The following MAGI1 variants were observed in gnomAD, a reference collection of about 807,000 sequenced individuals.
MAGI1 encodes membrane associated guanylate kinase, WW and PDZ domain containing 1, also known as membrane-associated guanylate kinase, WW and PDZ domain-containing protein 1.
A neutral mutation model predicts 139.9 loss-of-function variants in MAGI1; 58 were observed. The observed-to-expected ratio is 0.41, with a 90% confidence interval of 0.34 to 0.52. The LOEUF is 0.52. Ranked by LOEUF, MAGI1 falls within the 20% of genes least tolerant of loss-of-function variation. MAGI1 has a pLI of 0.12. For missense variants in MAGI1, 1,874 were observed against 1,901.6 expected (o/e 0.99, Z 0.27); for synonymous variants, 812 against 737.9 (o/e 1.10, Z -1.63).
rs748555567 is a variant in MAGI1 at position 66,038,006 on chromosome 3, G to C, written c.303C>G (p.Ala101=). The part of the protein sequence containing the change: ...DSCKEAVTFK[A]VRQGGRLNKD... ...CGCGCCCTGCCTTACCTTGTCTGACGGCCTTGAAGGTGACGGCCTCCTTGC... is the reference window on the plus strand; with the variant it reads ...CGCGCCCTGCCTTACCTTGTCTGACCGCCTTGAAGGTGACGGCCTCCTTGC... Residue 101 remains alanine (A), a synonymous_variant, in exon 1 of 23, where the codon GCC becomes GCG. Transcript: ENST00000402939. 6.3e-7 allele frequency: 1 copy of C among 1,578,720 alleles called. No homozygotes were observed. Among genetic ancestry groups the C allele is most frequent in the African/African-American group, 1.3e-5 (1 of 74,120 alleles).
rs572807777 is a variant in MAGI1 at position 65,786,836 on chromosome 3, C to T, written c.314-164748G>A. Among the ~76,000 whole-genome samples the T allele has an allele frequency of 2.3e-4, 35 of 152,084 alleles. No individual in the cohort carries two copies. The East Asian group carries it at 5.3e-3, about 23-fold the overall frequency. On this transcript the variant is annotated intron_variant, in intron 1 of 22. Transcript: ENST00000402939. ...TTCACCGTGTTAGCCAGGATGTTCTCGATTTCCTGACCTCGTGATCCGCCC... is the reference window on the plus strand; with the variant it reads ...TTCACCGTGTTAGCCAGGATGTTCTTGATTTCCTGACCTCGTGATCCGCCC...
At chr3:65,841,673 G>T (rs1283706711) in intron 1 of MAGI1, among the ~76,000 whole-genome samples, 1 of 151,874 alleles carries the variant, frequency 6.6e-6, no homozygotes, top group Admixed American at 6.6e-5. Flanking sequence ...TGATCCACCT[G>T]GCTCGGCCTC....
chr3:65,850,236 G>A (rs75701665), intron 1 of MAGI1, among the ~76,000 whole-genome samples: 2,879 of 152,222 alleles, frequency 0.019, 43 homozygotes, highest in Non-Finnish European at 0.03. Context: ...TATGGTAAAT[G>A]CAGTCCCCTT....
In MAGI1 at chr3:65,742,445, T is replaced by C. The variant is rs77093832; in HGVS notation, c.314-120357A>G. Among the ~76,000 whole-genome samples, 495 of 152,320 alleles carry C rather than the reference T, an allele frequency of 3.2e-3. 3 individuals are homozygous for C. Among genetic ancestry groups the C allele is most frequent in the African/African-American group, 0.011 (468 of 41,584 alleles). ...GGCTTCAGAGCCAGACACATCAGAA[T>C]GTGACTTGGGGCTCCACCATGAATG... On this transcript the variant is annotated intron_variant, in intron 1 of 22. Coordinates refer to ENST00000402939, the MANE Select transcript of MAGI1 (RefSeq NM_001033057.2).
intron 1 of MAGI1, among the ~76,000 whole-genome samples, chr3:66,021,964 A>G (rs1254647517): frequency 6.6e-6 from 1 of 152,210 alleles, no homozygotes; most frequent in East Asian, 1.9e-4. Context: ...GTTAGCAGCC[A>G]TCAGGTGAAT....
At chr3:65,603,179 CTT>C (rs1366550617) in intron 2 of MAGI1, among the ~76,000 whole-genome samples, 1 of 152,080 alleles carries the variant, frequency 6.6e-6, no homozygotes, top group Non-Finnish European at 1.5e-5. Context: ...TTTTACCAAG[CTT>C]TCAAAGAAAA....
chr3:65,682,914 G>C (rs1559783047), intron 1 of MAGI1, among the ~76,000 whole-genome samples: 1 of 152,098 alleles, frequency 6.6e-6, no homozygotes, highest in African/African-American at 2.4e-5. Context: ...TTTTCCAACG[G>C]ATGGGGACGG....
chr3:65,360,218 A>C (rs1424290544), intron 22 of MAGI1: 1 of 985,276 alleles, frequency 1.0e-6, no homozygotes, highest in Non-Finnish European at 1.2e-6. Flanking sequence ...CTTTCAGAAA[A>C]GAGGGTGATA....
At chr3:66,023,102 G>A (rs980653379) in intron 1 of MAGI1, among the ~76,000 whole-genome samples, 13 of 152,150 alleles carry the variant, frequency 8.5e-5, no homozygotes, top group Admixed American at 3.3e-4. Flanking sequence ...GAAGTGGATC[G>A]GGGCATACAG....
intron 2 of MAGI1, among the ~76,000 whole-genome samples, chr3:65,566,843 C>T (rs1053203206): frequency 1.3e-5 from 2 of 148,918 alleles, no homozygotes; most frequent in African/African-American, 5.0e-5. Flanking sequence ...GTGATCCACC[C>T]GCCTGGGCCT....
At chr3:65,961,150 G>A (rs1454882683) in intron 1 of MAGI1, among the ~76,000 whole-genome samples, 1 of 152,214 alleles carries the variant, frequency 6.6e-6, no homozygotes, top group Non-Finnish European at 1.5e-5. Context: ...GCATTCCTGT[G>A]TCCATTTGGT....
chr3:65,671,872 C>T (rs1002473677), intron 1 of MAGI1, among the ~76,000 whole-genome samples: 13 of 152,114 alleles, frequency 8.5e-5, no homozygotes, highest in Non-Finnish European at 1.6e-4. Flanking sequence ...GTTCCTACAA[C>T]TCCAATCCTC....
chr3:65,465,220 C>T (rs1950091942), intron 5 of MAGI1, among the ~76,000 whole-genome samples: 1 of 150,910 alleles, frequency 6.6e-6, no homozygotes, highest in Non-Finnish European at 1.5e-5. Context: ...TAAAGAGATG[C>T]CAATTATATC....
At chr3:65,705,192 A>G (rs1289531383) in intron 1 of MAGI1, among the ~76,000 whole-genome samples, 2 of 152,184 alleles carry the variant, frequency 1.3e-5, no homozygotes, top group East Asian at 3.9e-4. Context: ...TTCTAAGCTT[A>G]CATTTGGATA....
At position 65,439,782 on chromosome 3, in the gene MAGI1, A is replaced by G. The variant is rs1948125543; in HGVS notation, c.1270+97T>C. 2.5e-6 allele frequency: 4 copies of G among 1,581,006 alleles called. No individual in the cohort carries two copies. In the South Asian group the frequency reaches 3.4e-5, roughly 13 times the overall value. On this transcript the variant is annotated intron_variant, in intron 9 of 22. Coordinates refer to ENST00000402939, the MANE Select transcript of MAGI1 (RefSeq NM_001033057.2). ...CTTCAGTGTGGCAAGAGAGGACTCA[A>G]TCATCGAGGCCAGTTCTGACCACAC...
In MAGI1 at chr3:65,391,317, G is replaced by T; in HGVS notation, c.2241C>A (p.His747Gln). Residue 747 changes from histidine to glutamine, a missense_variant, in exon 14 of 23, where the codon CAC (histidine) becomes CAA (glutamine). By Grantham distance (24) the His-to-Gln change is conservative. Transcript: ENST00000402939. The stretch of plus-strand genomic sequence containing the variant: ...GCAGGCTTCGGTGGCTGGAAACACT[G>T]TGCTGAGAACTATTCTGGCTGTCTT... The part of the protein sequence containing the change: ...ERKDSQNSSQ[H>Q]SVSSHRSLHT... The T allele has an allele frequency of 6.2e-7, 1 of 1,614,188 alleles. No homozygotes were observed. Among genetic ancestry groups the T allele is most frequent in the Non-Finnish European group, 8.5e-7 (1 of 1,180,032 alleles).
chr3:65,440,450 G>A (rs1338899299), intron 8 of MAGI1, among the ~76,000 whole-genome samples: 1 of 152,128 alleles, frequency 6.6e-6, no homozygotes, highest in Non-Finnish European at 1.5e-5. Context: ...CCACCTGACA[G>A]GGGAAGCTGC....
At position 65,672,004 on chromosome 3, in the gene MAGI1, C is replaced by G. The variant is rs2086893994; in HGVS notation, c.314-49916G>C. Among the ~76,000 whole-genome samples, 5 of 152,254 alleles carry G rather than the reference C, an allele frequency of 3.3e-5. No individual in the cohort carries two copies. The South Asian group carries it at 8.3e-4, about 25-fold the overall frequency. On this transcript the variant is annotated intron_variant, in intron 1 of 22. Coordinates refer to ENST00000402939, the MANE Select transcript of MAGI1 (RefSeq NM_001033057.2). ...TACAAAAAGGTTAGTTTCCACTTCACACACCTGAGGTAGGTAAAAACTGAA... is the reference window on the plus strand; with the variant it reads ...TACAAAAAGGTTAGTTTCCACTTCAGACACCTGAGGTAGGTAAAAACTGAA...
chr3:65,885,035 T>G (rs1472865854), intron 1 of MAGI1, among the ~76,000 whole-genome samples: 1 of 152,082 alleles, frequency 6.6e-6, no homozygotes, highest in Non-Finnish European at 1.5e-5. Context: ...AGAAACAACC[T>G]AAATATTCAA....
Sources: allele counts gnomAD v4.1 joint callset (sites outside exome capture counted in the v4.1 genomes callset), GRCh38; gene constraint gnomAD v4.1.1; transcripts MANE v1.5; gene names NCBI Gene and HGNC (gene_info 2026-07-23, HGNC 2026-07-21).